Variants in LNPEP observed in about 807,000 individuals in gnomAD.
The protein encoded by LNPEP is leucyl-cystinyl aminopeptidase.
Under a neutral mutation model 120.6 loss-of-function variants are expected in LNPEP, and 64 were observed. The observed-to-expected ratio is 0.53, with a 90% CI of 0.43 to 0.65. The LOEUF (loss-of-function observed/expected upper bound fraction) is 0.65, where lower values mean the gene tolerates loss of function less well. Ranked by LOEUF, LNPEP falls within the 30% of genes least tolerant of loss-of-function variation. LNPEP has a pLI of 0.00. For synonymous variants in LNPEP, 435 were observed against 425.4 expected, an observed-to-expected ratio of 1.02 and a Z score of -0.28; for missense variants, 1,057 against 1,200.0, an observed-to-expected ratio of 0.88 and a Z score of 1.76.
chr5:96,968,330 G>A (rs901722559), intron 1 of LNPEP, among the ~76,000 whole-genome samples: 1 of 152,068 alleles, frequency 6.6e-6, no homozygotes, highest in African/African-American at 2.4e-5. Flanking sequence ...CTACCAAGAA[G>A]CAAGCCTGTA....
At chr5:96,983,851 A>G (rs1360276808) in intron 2 of LNPEP, among the ~76,000 whole-genome samples, 3 of 152,202 alleles carry the variant, frequency 2.0e-5, no homozygotes, top group Non-Finnish European at 4.4e-5. Flanking sequence ...GGAAACCAGA[A>G]TACTACAGGA....
Position 97,036,597 on chromosome 5 carries a change from T to G in LNPEP, c.*8064T>G, listed in dbSNP as rs1006752650. Reference sequence around the variant, plus strand: ...GGCACACATCCTCCCTCCCTCCCTCTCTGCTCTCCTCCCTTCCTTCAGGCC... The same window carrying G: ...GGCACACATCCTCCCTCCCTCCCTCGCTGCTCTCCTCCCTTCCTTCAGGCC... On this transcript the variant is annotated 3_prime_UTR_variant, in exon 18 of 18. Transcript: ENST00000231368. 6.6e-6 allele frequency: 1 copy of G among 152,302 alleles called. No homozygotes were observed. The highest frequency in any genetic ancestry group is 1.5e-5 in the Non-Finnish European group (1 of 68,026). 9.4% of individuals were successfully genotyped at this position (152,302 alleles called of 1,614,324 possible). A position where few individuals can be genotyped will look rare whatever the true frequency, so the allele number is the denominator to read the frequency against.
intron 1 of LNPEP, 106 bp downstream of exon 1, chr5:96,936,280 C>CG: frequency 4.0e-6 from 3 of 758,690 alleles, no homozygotes; most frequent in Non-Finnish European, 5.1e-6. Flanking sequence ...CCCAACACCG[C>CG]GGGCTTCCCA....
Position 97,028,622 on chromosome 5 carries a change from G to C in LNPEP, c.*89G>C. On this transcript the variant is annotated 3_prime_UTR_variant, in exon 18 of 18. Coordinates refer to ENST00000231368, the MANE Select transcript of LNPEP (RefSeq NM_005575.3). Reference sequence around the variant, plus strand: ...TTTTGCAAAAGCCAAGGTAAAGCCAGGATCGCTGCCAAGTTGTTTGCACTC... The same window carrying C: ...TTTTGCAAAAGCCAAGGTAAAGCCACGATCGCTGCCAAGTTGTTTGCACTC... 1.4e-6 allele frequency: 2 copies of C among 1,387,032 alleles called. No individual in the cohort carries two copies. Among genetic ancestry groups the C allele is most frequent in the Non-Finnish European group, 2.0e-6 (2 of 996,628 alleles). 85.9% of individuals were successfully genotyped at this position (1,387,032 alleles called of 1,614,324 possible). A position where few individuals can be genotyped will look rare whatever the true frequency, so the allele number is the denominator to read the frequency against.
chr5:96,972,801 C>T (rs929917034), intron 1 of LNPEP, among the ~76,000 whole-genome samples: 1 of 152,112 alleles, frequency 6.6e-6, no homozygotes, highest in Non-Finnish European at 1.5e-5. Context: ...CCAGTATGCT[C>T]ATGGACTGAA....
intron 13 of LNPEP, among the ~76,000 whole-genome samples, chr5:97,021,706 A>C (rs1196230677): frequency 6.6e-6 from 1 of 152,056 alleles, no homozygotes; most frequent in Non-Finnish European, 1.5e-5. Context: ...AGAAGTCATT[A>C]ATTTTTTTCT....
At chr5:97,013,899 T>C in intron 12 of LNPEP, 68 bp downstream of exon 12, 1 of 1,174,212 alleles carries the variant, frequency 8.5e-7, no homozygotes, top group Non-Finnish European at 1.2e-6. Flanking sequence ...AGAACATATA[T>C]GAAAAACAGT....
intron 1 of LNPEP, among the ~76,000 whole-genome samples, chr5:96,947,920 A>G (rs1789225636): frequency 6.6e-6 from 1 of 151,892 alleles, no homozygotes; most frequent in Admixed American, 6.6e-5. Flanking sequence ...CTGATTTTCC[A>G]TTTTTCTCTT....
intron 13 of LNPEP, among the ~76,000 whole-genome samples, chr5:97,015,724 C>T (rs540622648): frequency 6.6e-5 from 10 of 152,124 alleles, no homozygotes; most frequent in Non-Finnish European, 4.4e-5. Context: ...TCTGAATCAG[C>T]GCATTTTGAC....
At chr5:96,978,495 A>G (rs552911370) in intron 1 of LNPEP, among the ~76,000 whole-genome samples, 4 of 152,324 alleles carry the variant, frequency 2.6e-5, no homozygotes, top group East Asian at 1.9e-4. Context: ...GCTGCTTCCC[A>G]TTTGCTGTGG....
chr5:96,987,951 A>G (rs895660594), intron 4 of LNPEP, among the ~76,000 whole-genome samples: 2 of 152,214 alleles, frequency 1.3e-5, no homozygotes, highest in Non-Finnish European at 2.9e-5. Flanking sequence ...TCAGCTGAAT[A>G]CTACGTTCTC....
intron 8 of LNPEP, among the ~76,000 whole-genome samples, chr5:97,002,495 T>C (rs142371643): frequency 6.6e-6 from 1 of 152,290 alleles, no homozygotes; most frequent in Admixed American, 6.5e-5. Context: ...AGCTATGAAG[T>C]GTGATACAGA....
At chr5:96,957,654 CA>C (rs1789501818) in intron 1 of LNPEP, among the ~76,000 whole-genome samples, 1 of 152,144 alleles carries the variant, frequency 6.6e-6, no homozygotes, top group Non-Finnish European at 1.5e-5. Context: ...GGAATGTAAG[CA>C]GTTTCTAGAA....
chr5:96,995,827 A>G (rs1208442636), intron 6 of LNPEP, among the ~76,000 whole-genome samples: 4 of 152,268 alleles, frequency 2.6e-5, no homozygotes, highest in Non-Finnish European at 4.4e-5. Context: ...CAGCCTGTAT[A>G]TGTCAACTTA....
At chr5:97,021,927 T>TG (rs1258827877) in intron 13 of LNPEP, among the ~76,000 whole-genome samples, 4 of 132,366 alleles carry the variant, frequency 3.0e-5, no homozygotes, top group East Asian at 2.1e-4. Flanking sequence ...TCTTTTGTTT[T>TG]TTTTTTTTTT....
At chr5:96,939,141 TA>T (rs1788991749) in intron 1 of LNPEP, among the ~76,000 whole-genome samples, 1 of 152,042 alleles carries the variant, frequency 6.6e-6, no homozygotes, top group Non-Finnish European at 1.5e-5. Context: ...ATGCAAATGC[TA>T]AGGTTCACCC....
intron 1 of LNPEP, among the ~76,000 whole-genome samples, chr5:96,976,505 A>T (rs1789999678): frequency 6.6e-6 from 1 of 152,140 alleles, no homozygotes; most frequent in Non-Finnish European, 1.5e-5. Flanking sequence ...GCAGAAGAAT[A>T]AAAAAACACA....
intron 13 of LNPEP, among the ~76,000 whole-genome samples, 165 bp from the exon 14 acceptor site, chr5:97,022,135 G>A (rs975780981): frequency 1.9e-4 from 29 of 151,580 alleles, no homozygotes; most frequent in African/African-American, 7.0e-4. Flanking sequence ...CACCGTGTTG[G>A]CCAGGATGGT....
intron 4 of LNPEP, among the ~76,000 whole-genome samples, chr5:96,990,629 G>A (rs1790368088): frequency 1.3e-5 from 2 of 152,158 alleles, no homozygotes; most frequent in Non-Finnish European, 2.9e-5. Context: ...CAGCAACTCT[G>A]TGAGGGTAGG....
Sources: allele counts gnomAD v4.1 joint callset (sites outside exome capture counted in the v4.1 genomes callset), GRCh38; gene constraint gnomAD v4.1.1; transcripts MANE v1.5; gene names NCBI Gene and HGNC (gene_info 2026-07-23, HGNC 2026-07-21).